TEX26: variants seen among roughly 807,000 people sequenced by gnomAD.
TEX26 encodes the protein testis-expressed protein 26.
Under a neutral mutation model 35.3 loss-of-function variants are expected in TEX26, and 34 were observed. That is an observed-to-expected ratio of 0.96 (90% CI 0.73 to 1.28). TEX26 has a LOEUF of 1.28. Among genes scored for constraint, TEX26 ranks in the 50% most tolerant of loss-of-function variants. The probability of loss-of-function intolerance (pLI) is 0.00; values close to 1 mark genes in which losing one functional copy is unlikely to be tolerated. For synonymous variants in TEX26, 136 were observed against 111.8 expected, an observed-to-expected ratio of 1.22 and a Z score of -1.36; for missense variants, 371 against 330.1, an observed-to-expected ratio of 1.12 and a Z score of -0.96.
chr13:30,944,575 T>C (rs1482383296), intron 2 of TEX26, among the ~76,000 whole-genome samples: 4 of 152,086 alleles, frequency 2.6e-5, no homozygotes, highest in Admixed American at 6.6e-5. Context: ...GCTGTAGGCA[T>C]TTAGTGCTAT....
rs374045694 is a variant in TEX26, at chr13:30,939,726, A to T, written c.94A>T (p.Thr32Ser). ...DDPNWDSYAT[T>S]MRTAFTPKTG... is the part of the protein sequence containing the mutation. ...CCCCAACTGGGATTCCTATGCTACC[A>T]CTATGAGGACTGCATTCACGCCTAA... The change falls in exon 2 of 7, where the codon ACT becomes TCT. Residue 32 changes from threonine to serine, a missense_variant. Coordinates refer to ENST00000380473, the MANE Select transcript of TEX26 (RefSeq NM_152325.3). 1.2e-6 allele frequency: 2 copies of T among 1,614,146 alleles called. No homozygotes were observed. The highest frequency in any genetic ancestry group is 1.7e-5 in the Admixed American group (1 of 60,032).
In TEX26 at chr13:30,968,918, A is replaced by G; in HGVS notation, c.680A>G (p.Gln227Arg). 1 of 1,614,110 alleles carries G rather than the reference A, an allele frequency of 6.2e-7. No homozygotes were observed. Among genetic ancestry groups the G allele is most frequent in the Non-Finnish European group, 8.5e-7 (1 of 1,180,000 alleles). Residue 227 changes from glutamine to arginine, a missense_variant, in exon 6 of 7, where the codon CAA becomes CGA. Physicochemically the swap from Gln to Arg is conservative, Grantham distance 43. Transcript: ENST00000380473. ...PSVLHSYLRN[Q>R]EHTKKQTTYQ... is the part of the protein sequence containing the mutation. ...GTGCTGCACAGCTACCTGAGGAACCAAGAGCACACAAAGAAACAGACCACA... is the reference window on the plus strand; with the variant it reads ...GTGCTGCACAGCTACCTGAGGAACCGAGAGCACACAAAGAAACAGACCACA...
chr13:30,959,318 A>G (rs1186209303), intron 4 of TEX26, among the ~76,000 whole-genome samples: 1 of 151,880 alleles, frequency 6.6e-6, no homozygotes, highest in African/African-American at 2.4e-5. Context: ...CTGGTTAACT[A>G]TTTCTTCTTA....
Position 30,954,722 on chromosome 13 carries a change from C to T in TEX26, c.312+1897C>T, listed in dbSNP as rs575479669. 2.6e-4 allele frequency among the ~76,000 whole-genome samples: 39 copies of T among 152,236 alleles called. 1 individual carries two copies. In the South Asian group the frequency reaches 6.0e-3, roughly 23 times the overall value. ...ATCCTTTCACCCTGGCCTTCCAAAGCCCTGGGATTACAGCCGTGAGACACT... is the reference window on the plus strand; with the variant it reads ...ATCCTTTCACCCTGGCCTTCCAAAGTCCTGGGATTACAGCCGTGAGACACT... On this transcript the variant is annotated intron_variant, in intron 3 of 6. Coordinates refer to ENST00000380473, the MANE Select transcript of TEX26 (RefSeq NM_152325.3).
intron 6 of TEX26, among the ~76,000 whole-genome samples, chr13:30,970,953 G>A (rs1265589280): frequency 6.6e-6 from 1 of 152,190 alleles, no homozygotes; most frequent in Admixed American, 6.5e-5. Context: ...AATAAGCTAG[G>A]GTTTTGTTTC....
rs1002928601 is a variant in TEX26, at chr13:30,939,078, C to T, written c.62-616C>T. Among the ~76,000 whole-genome samples the T allele has an allele frequency of 2.6e-5, 4 of 152,220 alleles. No individual in the cohort carries two copies. In the South Asian group the frequency reaches 8.3e-4, roughly 32 times the overall value. ...GATATAAGAAAAAGACACTCTGTGT[C>T]GTATGAGCCCACTTTTGTGAAACAA... On this transcript the variant is annotated intron_variant, in intron 1 of 6. Transcript: ENST00000380473.
intron 4 of TEX26, among the ~76,000 whole-genome samples, chr13:30,959,454 A>G (rs1206347791): frequency 6.6e-6 from 1 of 152,222 alleles, no homozygotes; most frequent in African/African-American, 2.4e-5. Flanking sequence ...CCCTCCATCC[A>G]TCATGTCAAT....
chr13:30,967,894 C>T (rs1230874363), intron 5 of TEX26, among the ~76,000 whole-genome samples: 4 of 152,180 alleles, frequency 2.6e-5, no homozygotes, highest in Admixed American at 2.0e-4. Context: ...TAAACACCAT[C>T]GTTCTTCTAA....
chr13:30,960,153 C>G (rs554912035), intron 4 of TEX26, among the ~76,000 whole-genome samples: 1 of 152,202 alleles, frequency 6.6e-6, no homozygotes, highest in African/African-American at 2.4e-5. Flanking sequence ...ATAGTTGGAT[C>G]GAGCCTTAAA....
Position 30,966,378 on chromosome 13 carries a change from C to T in TEX26, c.626C>T (p.Pro209Leu). ...SFKYGCYSSL[P>L]VASQGLVPSV... Reference sequence around the variant, plus strand: ...AAATATGGATGCTACTCAAGCTTGCCTGTTGCTTCTCAGGGTCTAGGTGAG... The same window carrying T: ...AAATATGGATGCTACTCAAGCTTGCTTGTTGCTTCTCAGGGTCTAGGTGAG... Residue 209 changes from proline to leucine, a missense_variant, in exon 5 of 7, where the codon CCT becomes CTT. Transcript: ENST00000380473. The T allele has an allele frequency of 6.2e-7, 1 of 1,612,976 alleles. No individual in the cohort carries two copies. The highest frequency in any genetic ancestry group is 8.5e-7 in the Non-Finnish European group (1 of 1,179,724).
intron 4 of TEX26, among the ~76,000 whole-genome samples, chr13:30,962,750 T>G (rs1324289887): frequency 6.6e-6 from 1 of 152,238 alleles, no homozygotes; most frequent in Non-Finnish European, 1.5e-5. Flanking sequence ...GAGCAGCTGA[T>G]AGACAGCGGA....
At chr13:30,942,453 T>C (rs1373447453) in intron 2 of TEX26, among the ~76,000 whole-genome samples, 1 of 152,184 alleles carries the variant, frequency 6.6e-6, no homozygotes, top group African/African-American at 2.4e-5. Context: ...AATATTTTTC[T>C]CCTATTCTGT....
chr13:30,954,277 T>G (rs890069853), intron 3 of TEX26, among the ~76,000 whole-genome samples: 1 of 137,954 alleles, frequency 7.2e-6, no homozygotes, highest in African/African-American at 2.7e-5. Context: ...TATAGACCTA[T>G]ACACACACAC....
At chr13:30,967,173 A>G (rs886957731) in intron 5 of TEX26, among the ~76,000 whole-genome samples, 17 of 152,190 alleles carry the variant, frequency 1.1e-4, no homozygotes, top group Non-Finnish European at 2.2e-4. Flanking sequence ...GCTACTAGTT[A>G]AACAGAAAAC....
At chr13:30,960,292 G>C (rs1954287112) in intron 4 of TEX26, among the ~76,000 whole-genome samples, 1 of 152,114 alleles carries the variant, frequency 6.6e-6, no homozygotes, top group Non-Finnish European at 1.5e-5. Context: ...CACCAGGCTG[G>C]AGTGCAGTTG....
Position 30,975,010 on chromosome 13 carries a change from G to A in TEX26, c.*103G>A. 2.7e-6 allele frequency: 2 copies of A among 746,194 alleles called. No homozygotes were observed. The highest frequency in any genetic ancestry group is 2.1e-5 in the South Asian group (1 of 48,456). 46.2% of individuals were successfully genotyped at this position (746,194 alleles called of 1,614,324 possible). ...ATCAAGGAAAAATAAGATGCAAATAGCTTCAAGTATGATGTGATAGTCATG... is the reference window on the plus strand; with the variant it reads ...ATCAAGGAAAAATAAGATGCAAATAACTTCAAGTATGATGTGATAGTCATG... On this transcript the variant is annotated 3_prime_UTR_variant, in exon 7 of 7. Transcript: ENST00000380473.
In TEX26 at chr13:30,968,938, A is replaced by C; in HGVS notation, c.700A>C (p.Thr234Pro). ...GAACCAAGAGCACACAAAGAAACAG[A>C]CCACATACCAAAGTGACTACGACAA... ...LRNQEHTKKQ[T>P]TYQSDYDKTY... The change falls in exon 6 of 7, where the codon ACC becomes CCC. Residue 234 changes from threonine (T) to proline (P), a missense_variant. By Grantham distance (38) the Thr-to-Pro change is conservative. Transcript: ENST00000380473. 1 of 1,614,130 alleles carries C rather than the reference A, an allele frequency of 6.2e-7. No homozygotes were observed. The highest frequency in any genetic ancestry group is 8.5e-7 in the Non-Finnish European group (1 of 1,180,000).
intron 2 of TEX26, among the ~76,000 whole-genome samples, chr13:30,942,927 C>A (rs1185119703): frequency 6.6e-6 from 1 of 151,742 alleles, no homozygotes; most frequent in Non-Finnish European, 1.5e-5. Context: ...TAATGTGATG[C>A]CTTCAGATTT....
intron 2 of TEX26, among the ~76,000 whole-genome samples, chr13:30,946,674 A>C (rs1953723164): frequency 6.6e-6 from 1 of 151,938 alleles, no homozygotes; most frequent in African/African-American, 2.4e-5. Context: ...ATTACAGCCT[A>C]ATTTGGCTCT....
Sources: allele counts gnomAD v4.1 joint callset (sites outside exome capture counted in the v4.1 genomes callset), GRCh38; gene constraint gnomAD v4.1.1; transcripts MANE v1.5; gene names NCBI Gene and HGNC (gene_info 2026-07-23, HGNC 2026-07-21).